Variants in CPNE4 observed in about 807,000 individuals in gnomAD.
CPNE4 encodes copine-4.
CPNE4 carries 25 observed loss-of-function variants against 67.9 expected under a neutral mutation model. The observed-to-expected ratio is 0.37, with a 90% CI of 0.27 to 0.51. The LOEUF is 0.51. Ranked by LOEUF, CPNE4 falls within the 20% of genes least tolerant of loss-of-function variation. The pLI, the probability that CPNE4 is intolerant of heterozygous loss-of-function variation, is 0.93. For missense variants in CPNE4, 464 were observed against 690.8 expected, an observed-to-expected ratio of 0.67 and a Z score of 3.68; for synonymous variants, 242 against 244.9, an observed-to-expected ratio of 0.99 and a Z score of 0.11.
chr3:131,582,892 A>ATT (rs1216468730), intron 8 of CPNE4, among the ~76,000 whole-genome samples: 1 of 152,214 alleles, frequency 6.6e-6, no homozygotes, highest in Non-Finnish European at 1.5e-5. Flanking sequence ...AGCAGAGAAG[A>ATT]ATTCAGCCAA....
Position 131,708,995 on chromosome 3 carries a change from T to TATATAC in CPNE4, c.361-9016_361-9015insGTATAT, listed in dbSNP as rs1366246304. ...ATATATATATATATATATATATATA[T>TATATAC]ACATACACACATAATAATATAATAC... is the stretch of plus-strand genomic sequence containing the variant. On this transcript the variant is annotated intron_variant, in intron 3 of 15. Coordinates refer to ENST00000429747, the MANE Select transcript of CPNE4 (RefSeq NM_130808.3). 2.2e-3 allele frequency among the ~76,000 whole-genome samples: 244 copies of TATATAC among 109,066 alleles called. 5 individuals are homozygous for TATATAC. The highest frequency in any genetic ancestry group is 0.011 in the East Asian group (42 of 3,750). 71.6% of individuals were successfully genotyped at this position (109,066 alleles called of 152,430 possible).
At chr3:131,992,793 T>C (rs1189204951) in intron 1 of CPNE4, among the ~76,000 whole-genome samples, 1 of 135,970 alleles carries the variant, frequency 7.4e-6, no homozygotes, top group Non-Finnish European at 1.7e-5. Flanking sequence ...TGGAGGCAGT[T>C]ACTCCCATGC....
chr3:131,645,168 A>G (rs2079634687), intron 7 of CPNE4, among the ~76,000 whole-genome samples: 1 of 152,244 alleles, frequency 6.6e-6, no homozygotes. Context: ...TGTCCAGACT[A>G]ACATCGTACC....
rs56412825 is a variant in CPNE4 at position 131,547,455 on chromosome 3, C to CAAAAAAAAAAAAAAAA, written c.1302+2476_1302+2491dup. ...TGGGTGATAGACCAAGACCCTGTCG[C>CAAAAAAAAAAAAAAAA]AAAAAAAAAAAAAAAAAAAAAAAAA... is the stretch of plus-strand genomic sequence containing the variant. On this transcript the variant is annotated intron_variant, in intron 14 of 15. Coordinates refer to ENST00000429747, the MANE Select transcript of CPNE4 (RefSeq NM_130808.3). Among the ~76,000 whole-genome samples, 18 of 36,524 alleles carry CAAAAAAAAAAAAAAAA rather than the reference C, an allele frequency of 4.9e-4. 9 individuals are homozygous for CAAAAAAAAAAAAAAAA. Among genetic ancestry groups the CAAAAAAAAAAAAAAAA allele is most frequent in the East Asian group, 1.6e-3 (2 of 1,240 alleles). The allele number at this position is 36,524 out of a possible 152,430, so 24.0% of individuals were successfully genotyped here.
chr3:131,807,779 A>T (rs1368244566), intron 2 of CPNE4, among the ~76,000 whole-genome samples: 1 of 152,192 alleles, frequency 6.6e-6, no homozygotes, highest in East Asian at 1.9e-4. Context: ...TTTTAAAATG[A>T]ACATGTATTT....
chr3:131,737,115 C>CTTTTTTTGTTTTTTTT (rs2082254241), intron 2 of CPNE4, among the ~76,000 whole-genome samples: 1 of 49,362 alleles, frequency 2.0e-5, no homozygotes, highest in Non-Finnish European at 3.6e-5. Flanking sequence ...AGTATTGTGT[C>CTTTTTTTGTTTTTTTT]TTTTTTTTTT....
chr3:131,949,235 T>A (rs1258927003), intron 1 of CPNE4, among the ~76,000 whole-genome samples: 2 of 152,208 alleles, frequency 1.3e-5, no homozygotes, highest in Non-Finnish European at 2.9e-5. Context: ...ACTTAGTTAT[T>A]TGAAAATTAT....
At chr3:132,036,895 T>C (rs2074349150), upstream of CPNE4, among the ~76,000 whole-genome samples, 2 of 152,192 alleles carry the variant, frequency 1.3e-5, no homozygotes, top group Admixed American at 1.3e-4. Context: ...CCAGGCAATC[T>C]GTTAGGCACT....
intron 2 of CPNE4, among the ~76,000 whole-genome samples, chr3:131,884,092 T>C (rs920909698): frequency 3.3e-5 from 5 of 152,264 alleles, no homozygotes; most frequent in African/African-American, 1.2e-4. Context: ...ACATTTATTG[T>C]GTATTTTCTA....
intron 2 of CPNE4, among the ~76,000 whole-genome samples, chr3:131,825,975 A>G (rs942248958): frequency 6.6e-6 from 1 of 152,152 alleles, no homozygotes; most frequent in Non-Finnish European, 1.5e-5. Context: ...AAGCTTCCTT[A>G]TATCAGGTCA....
At position 131,958,971 on chromosome 3, in the gene CPNE4, T is replaced by TAAG. The variant is rs1560682558; in HGVS notation, c.-1-53528_-1-53527insCTT. On this transcript the variant is annotated intron_variant, in intron 1 of 15. Transcript: ENST00000429747. ...CGGCTCCCGGCCTGATACACCTTTC[T>TAAG]TTTTTTTTTTTTTTTTTTTTTTTTT... Among the ~76,000 whole-genome samples, 123 of 20,654 alleles carry TAAG rather than the reference T, an allele frequency of 6.0e-3. 17 individuals carry two copies. Among genetic ancestry groups the TAAG allele is most frequent in the South Asian group, 0.014 (7 of 518 alleles). 13.5% of individuals were successfully genotyped at this position (20,654 alleles called of 152,430 possible).
chr3:131,995,732 A>G (rs184752528), intron 1 of CPNE4, among the ~76,000 whole-genome samples: 6 of 152,294 alleles, frequency 3.9e-5, no homozygotes, highest in African/African-American at 7.2e-5. Context: ...AATCATCTAC[A>G]TAGTACATGA....
At chr3:131,746,850 A>G (rs899759631) in intron 2 of CPNE4, among the ~76,000 whole-genome samples, 2 of 152,056 alleles carry the variant, frequency 1.3e-5, no homozygotes, top group Admixed American at 6.5e-5. Context: ...CCTCTAAACT[A>G]TTTCCCATAA....
chr3:132,013,080 A>G (rs1012114719), intron 1 of CPNE4, among the ~76,000 whole-genome samples: 1 of 152,078 alleles, frequency 6.6e-6, no homozygotes, highest in Non-Finnish European at 1.5e-5. Flanking sequence ...AAAATTAGCC[A>G]GGCATAGGGG....
chr3:131,554,809 T>TCTCTCCAA (rs1936374047), intron 12 of CPNE4, among the ~76,000 whole-genome samples: 1 of 152,004 alleles, frequency 6.6e-6, no homozygotes. Context: ...AGAGGTACCC[T>TCTCTCCAA]GCTGTCTCTC....
At chr3:131,620,872 C>T (rs1326505300) in intron 7 of CPNE4, among the ~76,000 whole-genome samples, 2 of 152,190 alleles carry the variant, frequency 1.3e-5, no homozygotes. Flanking sequence ...CCTAGAGAGA[C>T]TAATTTTGGG....
At chr3:131,648,876 A>G (rs2079736533) in intron 7 of CPNE4, among the ~76,000 whole-genome samples, 1 of 152,116 alleles carries the variant, frequency 6.6e-6, no homozygotes, top group Non-Finnish European at 1.5e-5. Context: ...CAGAAGCCCA[A>G]TTCCTGTAAG....
chr3:131,848,713 T>C (rs1054641492), intron 2 of CPNE4, among the ~76,000 whole-genome samples: 3 of 150,744 alleles, frequency 2.0e-5, no homozygotes, highest in Non-Finnish European at 4.4e-5. Flanking sequence ...CCCAATTTGG[T>C]TCATCTGAAC....
chr3:131,666,333 A>G (rs955390780), intron 7 of CPNE4, among the ~76,000 whole-genome samples: 1 of 152,184 alleles, frequency 6.6e-6, no homozygotes, highest in Non-Finnish European at 1.5e-5. Flanking sequence ...TGACTGTTCC[A>G]TGGGCTATAG....
Sources: gnomAD v4.1 joint callset for allele counts (sites outside exome capture counted in the v4.1 genomes callset) on GRCh38, gnomAD v4.1.1 for gene constraint, MANE v1.5 for transcripts, NCBI Gene and HGNC (gene_info 2026-07-23, HGNC 2026-07-21) for gene names.